SMIM36: variants seen among roughly 807,000 people sequenced by gnomAD.
SMIM36 encodes the protein small integral membrane protein 36.
chr17:55,459,848 A>G (rs1254788229), intron 4 of SMIM36, among the ~76,000 whole-genome samples: 1 of 152,066 alleles, frequency 6.6e-6, no homozygotes, highest in Non-Finnish European at 1.5e-5. Flanking sequence ...AATAAAATAA[A>G]AAGCTAGGCA....
At chr17:55,459,596 A>G (rs6504965) in intron 4 of SMIM36, among the ~76,000 whole-genome samples, 9,737 of 152,236 alleles carry the variant, frequency 0.064, 989 homozygotes, top group African/African-American at 0.21. Context: ...TCATATTTAT[A>G]TAGTTGATTA....
intron 3 of SMIM36, among the ~76,000 whole-genome samples, chr17:55,468,767 G>C (rs1909289410): frequency 6.6e-6 from 1 of 152,064 alleles, no homozygotes; most frequent in Non-Finnish European, 1.5e-5. Flanking sequence ...CTTAGCCTGT[G>C]TTCTTAAAAA....
upstream of SMIM36, among the ~76,000 whole-genome samples, chr17:55,514,842 T>G (rs1327832396): frequency 6.6e-6 from 1 of 152,222 alleles, no homozygotes; most frequent in African/African-American, 2.4e-5. Context: ...TGAAAATTTA[T>G]CTCTGGTATT....
chr17:55,460,623 C>T (rs530715991), intron 4 of SMIM36, among the ~76,000 whole-genome samples: 10 of 152,114 alleles, frequency 6.6e-5, no homozygotes, highest in South Asian at 4.2e-4. Context: ...TTTGGGAGGC[C>T]GAGGCGGGCA....
chr17:55,468,589 C>G (rs1465486828), intron 3 of SMIM36, among the ~76,000 whole-genome samples: 3 of 152,176 alleles, frequency 2.0e-5, no homozygotes, highest in Non-Finnish European at 4.4e-5. Flanking sequence ...ACCCACTCAC[C>G]ACATTCCCTT....
chr17:55,523,150 G>T, the SMIM36 span, among the ~76,000 whole-genome samples: 1 of 152,210 alleles, frequency 6.6e-6, no homozygotes. Context: ...ACATGATTAA[G>T]TTACCATGAG....
chr17:55,468,565 T>C (rs1000417030), intron 3 of SMIM36, among the ~76,000 whole-genome samples: 1 of 152,210 alleles, frequency 6.6e-6, no homozygotes, highest in Admixed American at 6.5e-5. Flanking sequence ...TGGGGATGCC[T>C]GCCTTGGTCA....
chr17:55,454,973 C>T (rs1908989845), intron 4 of SMIM36, among the ~76,000 whole-genome samples: 1 of 152,168 alleles, frequency 6.6e-6, no homozygotes, highest in African/African-American at 2.4e-5. Flanking sequence ...CTAGAACAAA[C>T]ACTGCAATGG....
At chr17:55,485,232 GTA>G (rs1383389102) in intron 1 of SMIM36, among the ~76,000 whole-genome samples, 2 of 152,016 alleles carry the variant, frequency 1.3e-5, no homozygotes, top group African/African-American at 4.8e-5. Flanking sequence ...CTATGTCTTA[GTA>G]TATCTGAAAA....
At chr17:55,512,782 G>A (rs1354504297), upstream of SMIM36, among the ~76,000 whole-genome samples, 2 of 152,152 alleles carry the variant, frequency 1.3e-5, no homozygotes, top group African/African-American at 4.8e-5. Context: ...GGCCAGCTAG[G>A]GCATCAGTAG....
chr17:55,489,032 G>T (rs1909656398), intron 1 of SMIM36, among the ~76,000 whole-genome samples: 1 of 152,028 alleles, frequency 6.6e-6, no homozygotes, highest in African/African-American at 2.4e-5. Context: ...AGATACCATG[G>T]TTATTCAACA....
At position 55,507,855 on chromosome 17, in the gene SMIM36, G is replaced by A. The variant is rs1307639864; in HGVS notation, c.*174+3024C>T. ...ATCAGCCTGCGGACTTAAGCCAGGC[G>A]TCGTGCTGACATTTAAAGATGATTC... On this transcript the variant is annotated intron_variant, in intron 1 of 4. Coordinates refer to ENST00000636752, the Ensembl canonical transcript of SMIM36. 3.9e-5 allele frequency among the ~76,000 whole-genome samples: 6 copies of A among 152,100 alleles called. No individual in the cohort carries two copies. In the East Asian group the frequency reaches 9.6e-4, roughly 24 times the overall value.
At chr17:55,503,005 G>A (rs1034462524) in intron 1 of SMIM36, among the ~76,000 whole-genome samples, 2 of 151,136 alleles carry the variant, frequency 1.3e-5, no homozygotes, top group Admixed American at 6.6e-5. Context: ...GAAGTGAAGC[G>A]AGAAGGGAAG....
intron 3 of SMIM36, among the ~76,000 whole-genome samples, chr17:55,475,976 A>G (rs948908907): frequency 4.6e-5 from 7 of 152,100 alleles, no homozygotes; most frequent in Admixed American, 3.9e-4. Context: ...GCCCTGAGAA[A>G]CATCACCCAT....
intron 4 of SMIM36, among the ~76,000 whole-genome samples, chr17:55,463,099 C>T (rs1409121994): frequency 6.6e-6 from 1 of 152,084 alleles, no homozygotes; most frequent in Admixed American, 6.5e-5. Flanking sequence ...TACATAACTG[C>T]CCCCCACCCC....
chr17:55,489,497 T>C (rs1043134323), intron 1 of SMIM36, among the ~76,000 whole-genome samples: 1 of 152,240 alleles, frequency 6.6e-6, no homozygotes, highest in Admixed American at 6.5e-5. Flanking sequence ...AAAAGTTTTG[T>C]ATTTGTCTGA....
chr17:55,501,000 TAACA>T (rs1909921980), intron 1 of SMIM36, among the ~76,000 whole-genome samples: 8 of 25,078 alleles, frequency 3.2e-4, no homozygotes, highest in Non-Finnish European at 6.0e-4. Context: ...TTATAATATG[TAACA>T]TATTATTATA....
At chr17:55,508,739 A>G (rs182137571) in intron 1 of SMIM36, among the ~76,000 whole-genome samples, 10 of 151,940 alleles carry the variant, frequency 6.6e-5, no homozygotes, top group Admixed American at 6.6e-4. Context: ...CCTGGCTAAC[A>G]TGGTGAAACC....
upstream of SMIM36, among the ~76,000 whole-genome samples, chr17:55,514,332 A>T (rs1910230716): frequency 6.6e-6 from 1 of 152,240 alleles, no homozygotes; most frequent in Admixed American, 6.5e-5. Flanking sequence ...TAGCCTTGAC[A>T]TACTAATTCC....
Sources: gnomAD v4.1 joint callset for allele counts (sites outside exome capture counted in the v4.1 genomes callset) on GRCh38, gnomAD v4.1.1 for gene constraint, MANE v1.5 for transcripts, NCBI Gene and HGNC (gene_info 2026-07-23, HGNC 2026-07-21) for gene names.